The following LHFPL6 variants were observed in gnomAD, a reference collection of about 807,000 sequenced individuals.
LHFPL6 encodes the protein LHFPL tetraspan subfamily member 6.
LHFPL6 carries 9 observed loss-of-function variants against 20.6 expected under a neutral mutation model. That is an observed-to-expected ratio of 0.44 (90% CI 0.26 to 0.76). The LOEUF (loss-of-function observed/expected upper bound fraction) is 0.76, where lower values mean the gene tolerates loss of function less well. LHFPL6 is among the 30% of genes least tolerant of loss of function. The pLI is 0.20. For missense variants in LHFPL6, 218 were observed against 253.5 expected (o/e 0.86, Z 0.95); for synonymous variants, 105 against 98.7 (o/e 1.06, Z -0.38).
chr13:39,431,518 T>C (rs913036213), intron 2 of LHFPL6, among the ~76,000 whole-genome samples: 2 of 152,098 alleles, frequency 1.3e-5, no homozygotes, highest in Admixed American at 6.6e-5. Flanking sequence ...ATATCCATTG[T>C]TCTTCTCAAC....
chr13:39,472,006 G>A (rs983948409), intron 2 of LHFPL6, among the ~76,000 whole-genome samples: 1 of 152,106 alleles, frequency 6.6e-6, no homozygotes, highest in East Asian at 1.9e-4. Context: ...TGTTATCACA[G>A]GAAAGAAATA....
chr13:39,400,714 C>T (rs925210912), intron 2 of LHFPL6, among the ~76,000 whole-genome samples: 22 of 122,590 alleles, frequency 1.8e-4, no homozygotes, highest in African/African-American at 6.2e-4. Flanking sequence ...ACCCGGGAGG[C>T]GGAGCTTGCA....
chr13:39,350,257 A>G (rs930101318), intron 3 of LHFPL6, among the ~76,000 whole-genome samples: 1 of 152,234 alleles, frequency 6.6e-6, no homozygotes, highest in African/African-American at 2.4e-5. Context: ...ATTTTTTCAT[A>G]AAACTATAAA....
chr13:39,515,869 T>C (rs534565601), intron 2 of LHFPL6, among the ~76,000 whole-genome samples: 2 of 152,254 alleles, frequency 1.3e-5, no homozygotes, highest in Admixed American at 1.3e-4. Context: ...AAAAGAAAAT[T>C]ACTATGGAAA....
chr13:39,369,597 T>TCCTTCCTTCCCTCCCTC (rs763910245), intron 3 of LHFPL6, among the ~76,000 whole-genome samples: 1 of 87,378 alleles, frequency 1.1e-5, no homozygotes, highest in African/African-American at 4.3e-5. Context: ...CTTCCTTCCT[T>TCCTTCCTTCCCTCCCTC]CCTCCCTCTC....
intron 2 of LHFPL6, among the ~76,000 whole-genome samples, chr13:39,543,750 A>T (rs1870885066): frequency 6.6e-6 from 1 of 152,206 alleles, no homozygotes; most frequent in Non-Finnish European, 1.5e-5. Flanking sequence ...AACTATGCCA[A>T]GTCACAAGCT....
chr13:39,479,206 G>A (rs1296310792), intron 2 of LHFPL6, among the ~76,000 whole-genome samples: 4 of 151,794 alleles, frequency 2.6e-5, no homozygotes, highest in African/African-American at 7.3e-5. Flanking sequence ...TAATACACTA[G>A]GTTTTGAGAG....
intron 3 of LHFPL6, among the ~76,000 whole-genome samples, chr13:39,372,263 T>G (rs1383704495): frequency 6.6e-6 from 1 of 152,270 alleles, no homozygotes; most frequent in Non-Finnish European, 1.5e-5. Context: ...TTTGGCCTGT[T>G]TGAGCCAGAC....
intron 2 of LHFPL6, among the ~76,000 whole-genome samples, chr13:39,392,099 T>C (rs1328167911): frequency 6.6e-6 from 1 of 152,236 alleles, no homozygotes; most frequent in Non-Finnish European, 1.5e-5. Flanking sequence ...TTTTTCCACT[T>C]TGACTTAATT....
Position 39,556,220 on chromosome 13 carries a change from T to C in LHFPL6, c.385+44612A>G, listed in dbSNP as rs192205828. On this transcript the variant is annotated intron_variant, in intron 2 of 3. Coordinates refer to ENST00000379589, the MANE Select transcript of LHFPL6 (RefSeq NM_005780.3). ...TACAAGAACAGACTAACACAGAAAA[T>C]TGGCACTAAGGAGTGGGGTGCTGAA... Among the ~76,000 whole-genome samples, 30 of 152,186 alleles carry C rather than the reference T, an allele frequency of 2.0e-4. 1 individual carries two copies. Among genetic ancestry groups the C allele is most frequent in the Non-Finnish European group, 3.7e-4 (25 of 68,004 alleles).
chr13:39,583,831 T>A (rs562204646), intron 2 of LHFPL6, among the ~76,000 whole-genome samples: 1 of 152,248 alleles, frequency 6.6e-6, no homozygotes, highest in Non-Finnish European at 1.5e-5. Flanking sequence ...GGCCACTGCC[T>A]CCCTCTCCAG....
chr13:39,450,351 T>C lies in LHFPL6; in HGVS notation c.386-71825A>G, dbSNP rs139415793. Among the ~76,000 whole-genome samples the C allele has an allele frequency of 4.3e-4, 66 of 152,318 alleles. 2 individuals carry two copies. The East Asian group carries it at 0.012, about 28-fold the overall frequency. On this transcript the variant is annotated intron_variant, in intron 2 of 3. Transcript: ENST00000379589. ...TGCTGGCATCATGGTACTGCATTCA[T>C]AGTAGAAGAGTTGATGTTCATTCTG...
intron 2 of LHFPL6, among the ~76,000 whole-genome samples, chr13:39,582,241 C>T (rs1416374911): frequency 6.6e-6 from 1 of 152,190 alleles, no homozygotes; most frequent in Non-Finnish European, 1.5e-5. Context: ...AATCAGTTGC[C>T]AAGTCACGTC....
At chr13:39,513,125 A>G (rs1454352195) in intron 2 of LHFPL6, among the ~76,000 whole-genome samples, 2 of 152,244 alleles carry the variant, frequency 1.3e-5, no homozygotes, top group Non-Finnish European at 2.9e-5. Flanking sequence ...AAATTTTACT[A>G]ACTGGAAACA....
intron 2 of LHFPL6, among the ~76,000 whole-genome samples, chr13:39,557,826 G>A (rs1871354246): frequency 2.0e-5 from 3 of 152,166 alleles, no homozygotes; most frequent in Admixed American, 6.5e-5. Context: ...CCTCATGAAC[G>A]GCTCAGCCCC....
chr13:39,568,444 C>A (rs1871798808), intron 2 of LHFPL6, among the ~76,000 whole-genome samples: 1 of 152,034 alleles, frequency 6.6e-6, no homozygotes, highest in South Asian at 2.1e-4. Flanking sequence ...CTATCCATTT[C>A]AATTTAGTAT....
chr13:39,406,195 T>G (rs1266699385), intron 2 of LHFPL6, among the ~76,000 whole-genome samples: 1 of 152,174 alleles, frequency 6.6e-6, no homozygotes, highest in Non-Finnish European at 1.5e-5. Flanking sequence ...TACATAACAA[T>G]TTACATTGTT....
intron 2 of LHFPL6, among the ~76,000 whole-genome samples, chr13:39,567,433 C>T (rs1301489125): frequency 6.6e-6 from 1 of 152,114 alleles, no homozygotes; most frequent in African/African-American, 2.4e-5. Flanking sequence ...AAATCAAATC[C>T]GTAAGTTGAA....
At chr13:39,482,875 A>T (rs183072180) in intron 2 of LHFPL6, among the ~76,000 whole-genome samples, 25 of 152,298 alleles carry the variant, frequency 1.6e-4, no homozygotes, top group African/African-American at 6.0e-4. Flanking sequence ...TAGATACAGG[A>T]CTCAAGTGGA....
Sources: allele counts gnomAD v4.1 joint callset (sites outside exome capture counted in the v4.1 genomes callset), GRCh38; gene constraint gnomAD v4.1.1; transcripts MANE v1.5; gene names NCBI Gene and HGNC (gene_info 2026-07-23, HGNC 2026-07-21).